The following TNS3 variants were observed in gnomAD, a reference collection of about 807,000 sequenced individuals.
The protein encoded by TNS3 is tensin-3.
Under a neutral mutation model 140.9 loss-of-function variants are expected in TNS3, and 45 were observed. The ratio of observed to expected loss-of-function variants is 0.32; its 90% CI spans 0.25 to 0.41. The LOEUF is 0.41. Among genes scored for constraint, TNS3 ranks in the 10% least tolerant of loss-of-function variants. TNS3 has a pLI of 1.00. For synonymous variants in TNS3, 815 were observed against 788.4 expected (o/e 1.03, Z -0.56); for missense variants, 1,716 against 1,906.7 (o/e 0.90, Z 1.86).
chr7:47,571,780 C>G (rs1001253516), intron 1 of TNS3, among the ~76,000 whole-genome samples: 3 of 152,370 alleles, frequency 2.0e-5, no homozygotes, highest in Non-Finnish European at 2.9e-5. Context: ...GTCCTGGTCA[C>G]AGACTCACAG....
chr7:47,333,074 G>A (rs963339904), intron 20 of TNS3, among the ~76,000 whole-genome samples: 1 of 151,900 alleles, frequency 6.6e-6, no homozygotes, highest in African/African-American at 2.4e-5. Flanking sequence ...GGCCTGCTCC[G>A]CGGATGAGGT....
At chr7:47,395,451 T>A (rs558176153) in intron 16 of TNS3, among the ~76,000 whole-genome samples, 2 of 152,234 alleles carry the variant, frequency 1.3e-5, no homozygotes, top group East Asian at 3.8e-4. Flanking sequence ...AATATAGCTA[T>A]GCAGATGCAA....
intron 16 of TNS3, among the ~76,000 whole-genome samples, chr7:47,389,172 A>AAGC (rs71003396): frequency 1.3e-5 from 1 of 76,764 alleles, no homozygotes; most frequent in Non-Finnish European, 3.2e-5. Flanking sequence ...GAAGCAGCAG[A>AAGC]AGCAGAAGAA....
chr7:47,336,189 T>TAAA lies in TNS3; in HGVS notation c.2650+8563_2650+8565dup, dbSNP rs10551215. On this transcript the variant is annotated intron_variant, in intron 20 of 30. Transcript: ENST00000311160. ...CTAGTTAGCTAACACCAAGCAGAGT[T>TAAA]AAAAAAAAAAAAAAAAAAGGCAGTG... Among the ~76,000 whole-genome samples, 457 of 133,112 alleles carry TAAA rather than the reference T, an allele frequency of 3.4e-3. 2 individuals carry two copies. Among genetic ancestry groups the TAAA allele is most frequent in the African/African-American group, 0.011 (426 of 37,256 alleles). The allele number at this position is 133,112 out of a possible 152,430, so 87.3% of individuals were successfully genotyped here.
At chr7:47,408,818 T>A (rs544428004) in intron 13 of TNS3, among the ~76,000 whole-genome samples, 7 of 152,030 alleles carry the variant, frequency 4.6e-5, no homozygotes, top group Admixed American at 4.6e-4. Context: ...CTTCATCTGT[T>A]TGTATAATAA....
At chr7:47,572,598 G>A (rs1024929508) in intron 1 of TNS3, among the ~76,000 whole-genome samples, 2 of 152,170 alleles carry the variant, frequency 1.3e-5, no homozygotes, top group Admixed American at 6.5e-5. Context: ...ACACATGATC[G>A]GGTGCAGTGG....
In TNS3 at chr7:47,369,287, C is replaced by T. The variant is rs761549994; in HGVS notation, c.1359G>A (p.Gly453=). The T allele has an allele frequency of 1.6e-5, 26 of 1,614,180 alleles. No individual in the cohort carries two copies. The highest frequency in any genetic ancestry group is 2.2e-5 in the Non-Finnish European group (26 of 1,180,046). ...EMTDARSKYS[G]TRHVVPAQVH... Reference sequence around the variant, plus strand: ...CCTGGGCTGGCACCACGTGGCGGGTCCCACTGTACTTGCTTCGAGCATCAG... The same window carrying T: ...CCTGGGCTGGCACCACGTGGCGGGTTCCACTGTACTTGCTTCGAGCATCAG... The change falls in exon 17 of 31, where the codon GGG becomes GGA. Residue 453 remains glycine, a synonymous_variant. Transcript: ENST00000311160.
At chr7:47,333,599 T>G (rs899014752) in intron 20 of TNS3, among the ~76,000 whole-genome samples, 4 of 152,124 alleles carry the variant, frequency 2.6e-5, no homozygotes, top group Non-Finnish European at 4.4e-5. Context: ...CATTCAGAGC[T>G]CATAAAAATT....
intron 30 of TNS3, chr7:47,279,718 C>A: frequency 6.1e-6 from 1 of 162,714 alleles, no homozygotes; most frequent in Non-Finnish European, 1.3e-5. Flanking sequence ...AAAAAAAAAA[C>A]TCTAACAGCT....
intron 3 of TNS3, among the ~76,000 whole-genome samples, chr7:47,497,260 A>T (rs1798047280): frequency 6.6e-6 from 1 of 152,222 alleles, no homozygotes. Context: ...ACAACTGCAG[A>T]AAGAGTAGTT....
At chr7:47,576,912 G>A (rs570077632) in intron 1 of TNS3, among the ~76,000 whole-genome samples, 1 of 152,214 alleles carries the variant, frequency 6.6e-6, no homozygotes, top group Non-Finnish European at 1.5e-5. Context: ...GGCAGTGAAC[G>A]GCCTTGGCCA....
intron 28 of TNS3, among the ~76,000 whole-genome samples, chr7:47,282,378 G>A (rs7782487): frequency 0.38 from 57,051 of 151,072 alleles, 11,279 homozygotes; most frequent in Non-Finnish European, 0.44. Flanking sequence ...CTGACCCTGA[G>A]TCCACCAAAC....
intron 10 of TNS3, 33 bp from the exon 11 acceptor site, chr7:47,415,239 G>A: frequency 6.6e-7 from 1 of 1,509,144 alleles, no homozygotes; most frequent in Non-Finnish European, 9.1e-7. Context: ...ACACTTCCCA[G>A]AAGTGTCTTC....
chr7:47,422,880 CAAA>C (rs201535299), intron 10 of TNS3, among the ~76,000 whole-genome samples: 3 of 142,728 alleles, frequency 2.1e-5, no homozygotes, highest in African/African-American at 5.2e-5. Flanking sequence ...CAAAAAAAAA[CAAA>C]AAAAAAACCC....
chr7:47,297,441 G>T (rs1473724574), intron 23 of TNS3, among the ~76,000 whole-genome samples: 1 of 152,162 alleles, frequency 6.6e-6, no homozygotes, highest in African/African-American at 2.4e-5. Context: ...GGGCCTGCCT[G>T]TTGAGGAGGC....
At chr7:47,290,661 C>T (rs954584225) in intron 27 of TNS3, among the ~76,000 whole-genome samples, 2 of 152,198 alleles carry the variant, frequency 1.3e-5, no homozygotes, top group Admixed American at 6.5e-5. Flanking sequence ...AGAAAGGCCA[C>T]ATTCCAGAAC....
At chr7:47,513,732 T>C (rs1171792760) in intron 2 of TNS3, among the ~76,000 whole-genome samples, 1 of 152,252 alleles carries the variant, frequency 6.6e-6, no homozygotes, top group African/African-American at 2.4e-5. Flanking sequence ...CGTTTTCCTG[T>C]GAGGAGCCTG....
chr7:47,504,138 G>A (rs994983489), intron 3 of TNS3, among the ~76,000 whole-genome samples: 3 of 152,202 alleles, frequency 2.0e-5, no homozygotes, highest in Admixed American at 6.5e-5. Flanking sequence ...TCCATCCACT[G>A]AGCTGCATGG....
chr7:47,275,861 C>A lies in TNS3; in HGVS notation c.*2215G>T, dbSNP rs1784848636. 1 of 456,012 alleles carries A rather than the reference C, an allele frequency of 2.2e-6. No individual in the cohort carries two copies. Among genetic ancestry groups the A allele is most frequent in the Non-Finnish European group, 4.4e-6 (1 of 226,784 alleles). 28.2% of individuals were successfully genotyped at this position (456,012 alleles called of 1,614,324 possible). ...CCGTCGAGGCATGGCTTCATGAGGG[C>A]CATCGCGGGCACCCCGATGTCTCTG... On this transcript the variant is annotated 3_prime_UTR_variant, in exon 31 of 31. Coordinates refer to ENST00000311160, the MANE Select transcript of TNS3 (RefSeq NM_022748.12).
Sources: allele counts gnomAD v4.1 joint callset (sites outside exome capture counted in the v4.1 genomes callset), GRCh38; gene constraint gnomAD v4.1.1; transcripts MANE v1.5; gene names NCBI Gene and HGNC (gene_info 2026-07-23, HGNC 2026-07-21).